The following SLC2A9 variants were observed in gnomAD, a reference collection of about 807,000 sequenced individuals.
The protein encoded by SLC2A9 is solute carrier family 2 member 9.
In SLC2A9, 39 loss-of-function variants were observed where a neutral mutation model predicts 50.6. The ratio of observed to expected loss-of-function variants is 0.77; its 90% CI spans 0.60 to 1.01. The LOEUF is 1.01. Among genes scored for constraint, SLC2A9 ranks in the 50% least tolerant of loss-of-function variants. The pLI is 0.00. For missense variants in SLC2A9, 686 were observed against 677.6 expected (o/e 1.01, Z -0.14); for synonymous variants, 324 against 276.9 (o/e 1.17, Z -1.69).
chr4:9,836,575 A>C (rs1054254669), intron 10 of SLC2A9, among the ~76,000 whole-genome samples: 1 of 152,228 alleles, frequency 6.6e-6, no homozygotes, highest in Non-Finnish European at 1.5e-5. Flanking sequence ...ATCTGTCCAG[A>C]CACCTGAAGG....
chr4:9,831,576 G>A (rs1726150872), intron 11 of SLC2A9, among the ~76,000 whole-genome samples: 1 of 152,206 alleles, frequency 6.6e-6, no homozygotes, highest in Non-Finnish European at 1.5e-5. Context: ...CTGCCCTGCT[G>A]ACACTGTACA....
At chr4:9,854,312 C>A (rs1203708784) in intron 10 of SLC2A9, among the ~76,000 whole-genome samples, 2 of 151,968 alleles carry the variant, frequency 1.3e-5, no homozygotes, top group Non-Finnish European at 2.9e-5. Context: ...TATCACTGAC[C>A]CCACAGAAAT....
intron 2 of SLC2A9, among the ~76,000 whole-genome samples, chr4:9,999,486 A>T (rs1236853708): frequency 6.6e-6 from 1 of 152,198 alleles, no homozygotes; most frequent in African/African-American, 2.4e-5. Context: ...ATGGAAAAGA[A>T]AAATGGTAGG....
chr4:10,035,410 G>C (rs1215974787), intron 1 of SLC2A9: 1 of 152,240 alleles, frequency 6.6e-6, no homozygotes, highest in East Asian at 1.9e-4. Context: ...CCACCCACAG[G>C]CATCCCAGCT....
At chr4:10,033,928 C>T (rs1198665466) in intron 1 of SLC2A9, among the ~76,000 whole-genome samples, 1 of 152,216 alleles carries the variant, frequency 6.6e-6, no homozygotes, top group Non-Finnish European at 1.5e-5. Context: ...CCCTGCAGAG[C>T]TTTCCGCCCT....
intron 3 of SLC2A9, chr4:9,782,152 G>A (rs765459092): frequency 1.9e-6 from 3 of 1,579,548 alleles, no homozygotes; most frequent in Non-Finnish European, 1.7e-6. Flanking sequence ...CCTCACAGGT[G>A]GTCACCGCCT....
intron 1 of SLC2A9, among the ~76,000 whole-genome samples, chr4:10,027,322 T>G (rs1294864437): frequency 6.6e-6 from 1 of 152,108 alleles, no homozygotes; most frequent in African/African-American, 2.4e-5. Context: ...AATGGTTAAT[T>G]TTTCCCTATG....
At position 9,916,346 on chromosome 4, in the gene SLC2A9, T is replaced by C. The variant is rs1271862819; in HGVS notation, c.1002+4039A>G. Among the ~76,000 whole-genome samples the C allele has an allele frequency of 3.9e-5, 6 of 152,208 alleles. No individual in the cohort carries two copies. In the East Asian group the frequency reaches 1.2e-3, roughly 29 times the overall value. ...CAGAACCAATGTCACCAGGCCCATA[T>C]GGCTCATTCACAGCTGGCACTCTGA... On this transcript the variant is annotated intron_variant, in intron 7 of 11. Coordinates refer to ENST00000264784, the MANE Select transcript of SLC2A9 (RefSeq NM_020041.3).
intron 10 of SLC2A9, among the ~76,000 whole-genome samples, chr4:9,858,779 G>A (rs1731135829): frequency 6.6e-6 from 1 of 152,182 alleles, no homozygotes; most frequent in African/African-American, 2.4e-5. Flanking sequence ...TGTCCGTGAG[G>A]GTGTTGCCAA....
At chr4:9,810,810 G>A (rs1213815542) in intron 3 of SLC2A9, among the ~76,000 whole-genome samples, 1 of 152,220 alleles carries the variant, frequency 6.6e-6, no homozygotes, top group Admixed American at 6.5e-5. Context: ...GGTTGAGCCT[G>A]TAAGCTGGGG....
At chr4:9,839,079 G>T (rs1727578525) in intron 10 of SLC2A9, among the ~76,000 whole-genome samples, 1 of 152,076 alleles carries the variant, frequency 6.6e-6, no homozygotes, top group Admixed American at 6.6e-5. Context: ...CTATAGAATG[G>T]GAGAAATTTT....
At chr4:9,899,643 G>A (rs1739227305) in intron 8 of SLC2A9, among the ~76,000 whole-genome samples, 1 of 152,214 alleles carries the variant, frequency 6.6e-6, no homozygotes, top group Non-Finnish European at 1.5e-5. Context: ...CTGCTTAAAA[G>A]ATGAATGTGC....
chr4:9,962,370 T>G (rs1377814556), intron 5 of SLC2A9, among the ~76,000 whole-genome samples: 1 of 152,206 alleles, frequency 6.6e-6, no homozygotes, highest in Admixed American at 6.5e-5. Context: ...ATATATACTA[T>G]GGAATACTAT....
chr4:9,782,062 C>A, intron 3 of SLC2A9: 1 of 1,492,208 alleles, frequency 6.7e-7, no homozygotes, highest in Non-Finnish European at 8.9e-7. Flanking sequence ...GCACCGCGTA[C>A]CCGGGGCAGT....
intron 6 of SLC2A9, among the ~76,000 whole-genome samples, chr4:9,927,425 G>A (rs375294557): frequency 1.8e-4 from 27 of 152,310 alleles, no homozygotes; most frequent in African/African-American, 5.5e-4. Flanking sequence ...AGAACAACCC[G>A]GAGGCCTCTT....
At chr4:9,919,801 C>T (rs1051201132) in intron 7 of SLC2A9, among the ~76,000 whole-genome samples, 1 of 152,220 alleles carries the variant, frequency 6.6e-6, no homozygotes, top group African/African-American at 2.4e-5. Flanking sequence ...AGTAAAGATC[C>T]AGACTCTGCC....
chr4:9,782,081 T>G lies in SLC2A9; in HGVS notation n.386-2016A>C, dbSNP rs371107353. On this transcript the variant is annotated intron_variant and non_coding_transcript_variant, in intron 3 of 3. Transcript: ENST00000503803. ...CGCGTACCCGGGGCAGTTCGCTCTATACCAGCAGCTGGCGCAGGGGAACGC... is the reference window on the plus strand; with the variant it reads ...CGCGTACCCGGGGCAGTTCGCTCTAGACCAGCAGCTGGCGCAGGGGAACGC... 1.8e-5 allele frequency: 27 copies of G among 1,521,480 alleles called. No individual in the cohort carries two copies. The African/African-American group carries it at 3.5e-4, about 19-fold the overall frequency. 94.2% of individuals were successfully genotyped at this position (1,521,480 alleles called of 1,614,324 possible).
intron 10 of SLC2A9, among the ~76,000 whole-genome samples, chr4:9,861,640 T>C (rs1280511084): frequency 6.6e-6 from 1 of 152,180 alleles, no homozygotes; most frequent in African/African-American, 2.4e-5. Context: ...TAGGGGCTCC[T>C]CTTGGCATAT....
chr4:9,823,991 CT>C (rs1724758855), downstream of SLC2A9, among the ~76,000 whole-genome samples: 3 of 152,102 alleles, frequency 2.0e-5, no homozygotes, highest in South Asian at 2.1e-4. Context: ...AATGTGGCTG[CT>C]GTGGTTTGAA....
Sources: gnomAD v4.1 joint callset for allele counts (sites outside exome capture counted in the v4.1 genomes callset) on GRCh38, gnomAD v4.1.1 for gene constraint, MANE v1.5 for transcripts, NCBI Gene and HGNC (gene_info 2026-07-23, HGNC 2026-07-21) for gene names.